Variants in TUBGCP3 observed in about 807,000 individuals in gnomAD.
TUBGCP3 encodes the protein gamma-tubulin complex component 3.
Under a neutral mutation model 123.1 loss-of-function variants are expected in TUBGCP3, and 50 were observed. The ratio of observed to expected loss-of-function variants is 0.41; its 90% CI spans 0.32 to 0.51. The LOEUF is 0.51. TUBGCP3 is among the 20% of genes least tolerant of loss of function. TUBGCP3 has a pLI of 0.36. For synonymous variants in TUBGCP3, 405 were observed against 413.9 expected, an observed-to-expected ratio of 0.98 and a Z score of 0.26; for missense variants, 882 against 1,127.0, an observed-to-expected ratio of 0.78 and a Z score of 3.11.
intron 11 of TUBGCP3, among the ~76,000 whole-genome samples, chr13:112,532,795 CTT>C (rs1180536937): frequency 6.6e-6 from 1 of 152,262 alleles, no homozygotes; most frequent in East Asian, 1.9e-4. Flanking sequence ...TAGCCTTCTA[CTT>C]TTGTCTGCCT....
Position 112,556,222 on chromosome 13 carries a change from T to C in TUBGCP3, c.551A>G (p.Gln184Arg). 1.9e-6 allele frequency: 3 copies of C among 1,611,280 alleles called. No homozygotes were observed. Among genetic ancestry groups the C allele is most frequent in the Non-Finnish European group, 2.5e-6 (3 of 1,177,968 alleles). ...APAPQSLLPG[Q>R]SNQAPGVGDC... is the part of the protein sequence containing the mutation. The stretch of plus-strand genomic sequence containing the variant: ...TCCTACTCCTGGAGCTTGATTAGAC[T>C]GTCTAAAAAAAGAAACATGTATTAT... The change falls in exon 6 of 22, where the codon CAG (glutamine) becomes CGG (arginine). Residue 184 changes from glutamine (Q) to arginine (R), a missense_variant and splice_region_variant. Gln to Arg is a conservative substitution (Grantham distance 43). Around this residue, in one of 3 missense-constraint regions of TUBGCP3, gnomAD observed 713 missense variants for 874.0 expected, o/e 0.82. Coordinates refer to ENST00000261965, the MANE Select transcript of TUBGCP3 (RefSeq NM_006322.6).
In TUBGCP3 at chr13:112,489,657, T is replaced by A; in HGVS notation, c.2489A>T (p.Asn830Ile). The A allele has an allele frequency of 6.2e-7, 1 of 1,614,166 alleles. No homozygotes were observed. Among genetic ancestry groups the A allele is most frequent in the South Asian group, 1.1e-5 (1 of 91,086 alleles). Reference protein sequence around the residue: ...GVTAAEEEEENKRIGEFKESI... With the variant: ...GVTAAEEEEEIKRIGEFKESI... ...TTCTTTAAATTCTCCAATCCTCTTA[T>A]TTTCCTCCTCTTCCTCTGCTGCCGT... The change falls in exon 21 of 22, where the codon AAT becomes ATT. Residue 830 changes from asparagine (N) to isoleucine (I), a missense_variant. By Grantham distance (149) the Asn-to-Ile change is moderately radical. Around this residue, in one of 3 missense-constraint regions of TUBGCP3, gnomAD observed 160 missense variants for 220.3 expected, o/e 0.73. Transcript: ENST00000261965.
intron 13 of TUBGCP3, 89 bp downstream of exon 13, chr13:112,526,853 C>T: frequency 1.1e-6 from 1 of 944,596 alleles, no homozygotes; most frequent in South Asian, 1.4e-5. Context: ...ACGTCATCAA[C>T]ATCACTGTTA....
rs1015546022 is a variant in TUBGCP3 at position 112,524,135 on chromosome 13, C to G, written c.1556-1626G>C. Among the ~76,000 whole-genome samples, 4 of 152,212 alleles carry G rather than the reference C, an allele frequency of 2.6e-5. No individual in the cohort carries two copies. The highest frequency in any genetic ancestry group is 9.6e-5 in the African/African-American group (4 of 41,454). ...AAATTCCCTGATGCTCAAGTCTCTT[C>G]TACAAAATGAAGCAATATTTGCACC... On this transcript the variant is annotated intron_variant, in intron 13 of 21. Transcript: ENST00000261965. The surrounding 1 kb of genome is among the most constrained non-coding windows in gnomAD (Gnocchi z 4.4).
In TUBGCP3 at chr13:112,489,757, A is replaced by G. The variant is rs1207076562; in HGVS notation, c.2449-60T>C. On this transcript the variant is annotated intron_variant, in intron 20 of 21. Transcript: ENST00000261965. ...CACGATGGAAAACAGATTACAGAGTAGGGCTGAAAACAGGTATGTGAGGAG... is the reference window on the plus strand; with the variant it reads ...CACGATGGAAAACAGATTACAGAGTGGGGCTGAAAACAGGTATGTGAGGAG... 4 of 1,431,204 alleles carry G rather than the reference A, an allele frequency of 2.8e-6. No individual in the cohort carries two copies. The African/African-American group carries it at 4.2e-5, about 15-fold the overall frequency. 88.7% of individuals were successfully genotyped at this position (1,431,204 alleles called of 1,614,324 possible).
At chr13:112,544,309 A>G (rs577643027) in intron 11 of TUBGCP3, among the ~76,000 whole-genome samples, 17 of 152,084 alleles carry the variant, frequency 1.1e-4, no homozygotes, top group East Asian at 7.8e-4. Flanking sequence ...AAAATTAGCC[A>G]GGCATGGTGG....
rs1011406269 is a variant in TUBGCP3, at chr13:112,501,977, G to A, written c.2307+2055C>T. On this transcript the variant is annotated intron_variant, in intron 19 of 21. Coordinates refer to ENST00000261965, the MANE Select transcript of TUBGCP3 (RefSeq NM_006322.6). Reference sequence around the variant, plus strand: ...GTGGACTAAGTCTCCTACATTCTCCGTAAGCTGTGTGGAGTGTTACTTATT... The same window carrying A: ...GTGGACTAAGTCTCCTACATTCTCCATAAGCTGTGTGGAGTGTTACTTATT... 5.3e-5 allele frequency among the ~76,000 whole-genome samples: 8 copies of A among 152,150 alleles called. No individual in the cohort carries two copies. The East Asian group carries it at 7.7e-4, about 15-fold the overall frequency.
chr13:112,559,537 A>G, intron 3 of TUBGCP3, 138 bp from the exon 4 acceptor site: 2 of 719,562 alleles, frequency 2.8e-6, no homozygotes, highest in Non-Finnish European at 4.2e-6. Flanking sequence ...AACAATTCAT[A>G]AGTATTTTCA....
the TUBGCP3 span, among the ~76,000 whole-genome samples, chr13:112,601,138 G>T: frequency 7.7e-6 from 1 of 129,732 alleles, no homozygotes; most frequent in South Asian, 2.4e-4. Flanking sequence ...TGTGAGCCAA[G>T]ATCACGCCAC....
upstream of TUBGCP3, among the ~76,000 whole-genome samples, chr13:112,591,887 C>T (rs762095159): frequency 2.0e-5 from 3 of 152,226 alleles, no homozygotes; most frequent in Non-Finnish European, 2.9e-5. Context: ...CTTACCCTCT[C>T]TTTGGGTCAA....
chr13:112,488,285 G>A (rs1379056736), intron 21 of TUBGCP3, among the ~76,000 whole-genome samples: 1 of 152,062 alleles, frequency 6.6e-6, no homozygotes, highest in Non-Finnish European at 1.5e-5. Context: ...GATGCTCCAT[G>A]ATTAGTGATC....
At chr13:112,534,592 T>G (rs1389754236) in intron 11 of TUBGCP3, among the ~76,000 whole-genome samples, 1 of 151,570 alleles carries the variant, frequency 6.6e-6, no homozygotes, top group Non-Finnish European at 1.5e-5. Context: ...CAAGGCCCCA[T>G]GTGTGGCAAA....
Position 112,522,406 on chromosome 13 carries a change from G to A in TUBGCP3, c.1659C>T (p.Tyr553=), listed in dbSNP as rs368509713. 3.7e-6 allele frequency: 6 copies of A among 1,614,010 alleles called. No individual in the cohort carries two copies. The highest frequency in any genetic ancestry group is 2.7e-5 in the African/African-American group (2 of 74,928). ...TTGCCTGCATGTGGTCCAGCAAGCTGTACTTTTTATTGAGAACATCCAACA... is the reference window on the plus strand; with the variant it reads ...TTGCCTGCATGTGGTCCAGCAAGCTATACTTTTTATTGAGAACATCCAACA... The part of the protein sequence containing the change: ...KYLLDVLNKK[Y]SLLDHMQAMR... The change falls in exon 14 of 22, where the codon TAC becomes TAT. Residue 553 remains tyrosine, a synonymous_variant. Coordinates refer to ENST00000261965, the MANE Select transcript of TUBGCP3 (RefSeq NM_006322.6).
chr13:112,600,241 A>G, the TUBGCP3 span, among the ~76,000 whole-genome samples: 4 of 152,050 alleles, frequency 2.6e-5, no homozygotes, highest in African/African-American at 9.7e-5. Context: ...TTTATATTCT[A>G]TCTCTCATGT....
At chr13:112,512,781 A>C (rs988343646) in intron 17 of TUBGCP3, among the ~76,000 whole-genome samples, 1 of 152,160 alleles carries the variant, frequency 6.6e-6, no homozygotes, top group African/African-American at 2.4e-5. Context: ...TTCCCTGAGA[A>C]CTTCAGGGAC....
intron 20 of TUBGCP3, among the ~76,000 whole-genome samples, chr13:112,496,170 T>A (rs993599587): frequency 2.6e-5 from 4 of 152,180 alleles, no homozygotes; most frequent in Admixed American, 1.3e-4. Flanking sequence ...TGGAGATATA[T>A]TGATAAAAAA....
chr13:112,531,409 T>A (rs933854400), intron 11 of TUBGCP3, among the ~76,000 whole-genome samples: 14 of 152,202 alleles, frequency 9.2e-5, no homozygotes, highest in African/African-American at 3.4e-4. Flanking sequence ...AGACTTCAAT[T>A]GTCCATGACA....
rs1878894980 is a variant in TUBGCP3 at position 112,545,298 on chromosome 13, C to T, written c.1335+401G>A. On this transcript the variant is annotated intron_variant, in intron 11 of 21. Transcript: ENST00000261965. The surrounding 1 kb of genome is among the most constrained non-coding windows in gnomAD (Gnocchi z 4.1). ...AGAACTGACCCTATTTCAATAGCTA[C>T]ATACACAACTAACTTGTTTCATTAA... 1 of 192,572 alleles carries T rather than the reference C, an allele frequency of 5.2e-6. No homozygotes were observed. Among genetic ancestry groups the T allele is most frequent in the Non-Finnish European group, 1.1e-5 (1 of 90,648 alleles). The allele number at this position is 192,572 out of a possible 1,614,324, so 11.9% of individuals were successfully genotyped here. A position where few individuals can be genotyped will look rare whatever the true frequency, so the allele number is the denominator to read the frequency against.
chr13:112,530,309 G>C (rs193232481), intron 11 of TUBGCP3, among the ~76,000 whole-genome samples: 1 of 152,276 alleles, frequency 6.6e-6, no homozygotes, highest in East Asian at 1.9e-4. Context: ...TTAAAAATAA[G>C]GGAATATATA....
Sources: gnomAD v4.1 joint callset for allele counts (sites outside exome capture counted in the v4.1 genomes callset) on GRCh38, gnomAD v4.1.1 for gene constraint, gnomAD v4.1.1 regional missense constraint, Gnocchi (gnomAD v3.1) non-coding constraint, MANE v1.5 for transcripts, NCBI Gene and HGNC (gene_info 2026-07-23, HGNC 2026-07-21) for gene names.